The following STAG1 variants were observed in gnomAD, a reference collection of about 807,000 sequenced individuals.
STAG1 encodes the protein cohesin subunit SA-1.
STAG1 carries 26 observed loss-of-function variants against 170.9 expected under a neutral mutation model. The ratio of observed to expected loss-of-function variants is 0.15; its 90% CI spans 0.11 to 0.21. STAG1 has a LOEUF of 0.21. Among genes scored for constraint, STAG1 ranks in the 10% least tolerant of loss-of-function variants. The probability of loss-of-function intolerance (pLI) is 1.00; values close to 1 mark genes in which losing one functional copy is unlikely to be tolerated. For missense variants in STAG1, 964 were observed against 1,509.5 expected, an observed-to-expected ratio of 0.64 and a Z score of 5.99; for synonymous variants, 514 against 497.7, an observed-to-expected ratio of 1.03 and a Z score of -0.44.
intron 27 of STAG1, among the ~76,000 whole-genome samples, chr3:136,358,228 G>A (rs1424486416): frequency 2.6e-5 from 4 of 151,886 alleles, no homozygotes; most frequent in Admixed American, 2.0e-4. Context: ...GGGACTACAC[G>A]TGTGTGCCAC....
chr3:136,341,515 C>G lies in STAG1; in HGVS notation c.3483G>C (p.Lys1161Asn). 1 of 1,613,892 alleles carries G rather than the reference C, an allele frequency of 6.2e-7. No individual in the cohort carries two copies. The highest frequency in any genetic ancestry group is 8.5e-7 in the Non-Finnish European group (1 of 1,179,906). The change falls in exon 31 of 34, where the codon AAG (lysine) becomes AAC (asparagine). Residue 1161 changes from lysine (K) to asparagine (N), a missense_variant. This residue lies in a region of STAG1 where 122 missense variants were observed against 129.0 expected (regional missense o/e 0.95). Transcript: ENST00000383202. ...QMQISWLGQP[K>N]LEDLNRKDRT... is the part of the protein sequence containing the mutation. ...TGTCCTTCCGATTTAAGTCTTCTAA[C>G]TTCGGCTGGCCTAACCAAGAGATCT...
chr3:136,447,715 T>C (rs1033372900), intron 14 of STAG1, among the ~76,000 whole-genome samples: 4 of 150,592 alleles, frequency 2.7e-5, no homozygotes, highest in African/African-American at 9.8e-5. Flanking sequence ...CATGTCATTT[T>C]CCTGTCAGTC....
Position 136,604,399 on chromosome 3 carries a change from A to G in STAG1, c.207T>C (p.Arg69=), listed in dbSNP as rs1938832705. 1 of 1,613,810 alleles carries G rather than the reference A, an allele frequency of 6.2e-7. No individual in the cohort carries two copies. The highest frequency in any genetic ancestry group is 8.5e-7 in the Non-Finnish European group (1 of 1,179,916). Residue 69 remains arginine (R), a synonymous_variant, in exon 4 of 34, where the codon CGT becomes CGC. Coordinates refer to ENST00000383202, the MANE Select transcript of STAG1 (RefSeq NM_005862.3). Reference sequence around the variant, plus strand: ...GTTGAGGGTGTCCATTAGCTCTTCCACGGCCTGCTCCTCTAATTCCAGCTT... The same window carrying G: ...GTTGAGGGTGTCCATTAGCTCTTCCGCGGCCTGCTCCTCTAATTCCAGCTT... ...RIEAGIRGAG[R]GRANGHPQQN...
chr3:136,747,710 C>T (rs1322237065), intron 1 of STAG1, among the ~76,000 whole-genome samples: 1 of 151,820 alleles, frequency 6.6e-6, no homozygotes, highest in African/African-American at 2.4e-5. Flanking sequence ...CTTAACTTCT[C>T]TGAGATTCAA....
chr3:136,583,823 A>G (rs1937670178), intron 4 of STAG1, among the ~76,000 whole-genome samples: 1 of 152,142 alleles, frequency 6.6e-6, no homozygotes, highest in South Asian at 2.1e-4. Flanking sequence ...CAAAAACAAA[A>G]AAACAAACCT....
At chr3:136,701,369 C>CAG (rs1236511918) in intron 1 of STAG1, among the ~76,000 whole-genome samples, 2 of 152,084 alleles carry the variant, frequency 1.3e-5, no homozygotes, top group African/African-American at 2.4e-5. Context: ...AACTTAACCT[C>CAG]AAACTGACAC....
intron 1 of STAG1, among the ~76,000 whole-genome samples, chr3:136,714,964 T>TA (rs1491313421): frequency 2.3e-3 from 144 of 63,554 alleles, no homozygotes; most frequent in East Asian, 0.013. Flanking sequence ...TATATATATA[T>TA]TTTATATATA....
intron 12 of STAG1, among the ~76,000 whole-genome samples, chr3:136,469,079 G>C (rs1417036073): frequency 6.6e-6 from 1 of 152,144 alleles, no homozygotes; most frequent in Non-Finnish European, 1.5e-5. Flanking sequence ...ACTGGCACAA[G>C]ACAGGGATGC....
At chr3:136,537,255 AAAAG>A (rs1360571530) in intron 6 of STAG1, among the ~76,000 whole-genome samples, 1 of 152,282 alleles carries the variant, frequency 6.6e-6, no homozygotes, top group Middle Eastern at 3.4e-3. Flanking sequence ...TTTATCTACA[AAAAG>A]AAAGAAATTA....
chr3:136,705,520 T>C (rs1195903538), intron 1 of STAG1, among the ~76,000 whole-genome samples: 1 of 152,046 alleles, frequency 6.6e-6, no homozygotes, highest in South Asian at 2.1e-4. Context: ...GTAGCTCCCA[T>C]AATTCCCATG....
chr3:136,656,744 A>G (rs1941390756), intron 1 of STAG1, among the ~76,000 whole-genome samples: 1 of 152,040 alleles, frequency 6.6e-6, no homozygotes, highest in South Asian at 2.1e-4. Context: ...CAATTACTGC[A>G]TGCCATGAAC....
At chr3:136,626,213 G>A (rs1386437642) in intron 2 of STAG1, among the ~76,000 whole-genome samples, 1 of 152,136 alleles carries the variant, frequency 6.6e-6, no homozygotes, top group Non-Finnish European at 1.5e-5. Context: ...AGATCATGAG[G>A]TCAGAAGTTC....
chr3:136,458,437 G>A (rs1477866653), intron 13 of STAG1, among the ~76,000 whole-genome samples: 1 of 152,164 alleles, frequency 6.6e-6, no homozygotes, highest in Non-Finnish European at 1.5e-5. Flanking sequence ...GATTACAGGT[G>A]TAAGCCACCA....
At chr3:136,733,555 A>C (rs1406154690) in intron 1 of STAG1, among the ~76,000 whole-genome samples, 1 of 152,232 alleles carries the variant, frequency 6.6e-6, no homozygotes, top group Admixed American at 6.5e-5. Flanking sequence ...AAGTTTACAT[A>C]GACAGAAACA....
At chr3:136,535,769 C>T (rs1002814881) in intron 6 of STAG1, among the ~76,000 whole-genome samples, 2 of 152,160 alleles carry the variant, frequency 1.3e-5, no homozygotes, top group East Asian at 3.8e-4. Flanking sequence ...ACCCCAAATA[C>T]CCTGACTTGA....
intron 5 of STAG1, among the ~76,000 whole-genome samples, chr3:136,552,849 C>A (rs1229906295): frequency 6.6e-6 from 1 of 152,140 alleles, no homozygotes; most frequent in Non-Finnish European, 1.5e-5. Flanking sequence ...ATTGGTAGCG[C>A]CCCTGGACAC....
chr3:136,430,726 A>T (rs1419910190), intron 16 of STAG1, among the ~76,000 whole-genome samples: 1 of 150,778 alleles, frequency 6.6e-6, no homozygotes, highest in African/African-American at 2.4e-5. Context: ...TGCAGCCTGC[A>T]GGCCACAGGT....
At chr3:136,447,708 G>A (rs1194472600) in intron 14 of STAG1, among the ~76,000 whole-genome samples, 3 of 140,800 alleles carry the variant, frequency 2.1e-5, no homozygotes, top group Non-Finnish European at 4.5e-5. Flanking sequence ...CCGGGTTCAT[G>A]TCATTTTCCT....
intron 14 of STAG1, among the ~76,000 whole-genome samples, chr3:136,448,917 T>A (rs2107771633): frequency 6.6e-6 from 1 of 151,482 alleles, no homozygotes; most frequent in African/African-American, 2.4e-5. Flanking sequence ...CCAGCAAGAC[T>A]CCATCCCAAA....
Sources: allele counts gnomAD v4.1 joint callset (sites outside exome capture counted in the v4.1 genomes callset), GRCh38; gene constraint gnomAD v4.1.1; regional missense constraint gnomAD v4.1.1; transcripts MANE v1.5; gene names NCBI Gene and HGNC (gene_info 2026-07-23, HGNC 2026-07-21).